DPP10: variants seen among roughly 807,000 people sequenced by gnomAD.
The protein encoded by DPP10 is inactive dipeptidyl peptidase 10.
A neutral mutation model predicts 120.9 loss-of-function variants in DPP10; 33 were observed. The ratio of observed to expected loss-of-function variants is 0.27; its 90% CI spans 0.21 to 0.37. The LOEUF is 0.37. DPP10 is among the 10% of genes least tolerant of loss of function. The pLI, the probability that DPP10 is intolerant of heterozygous loss-of-function variation, is 1.00. For missense variants in DPP10, 816 were observed against 942.8 expected, an observed-to-expected ratio of 0.87 and a Z score of 1.76; for synonymous variants, 337 against 326.1, an observed-to-expected ratio of 1.03 and a Z score of -0.36.
At chr2:114,746,993 C>A (rs1398342208) in intron 1 of DPP10, among the ~76,000 whole-genome samples, 4 of 152,276 alleles carry the variant, frequency 2.6e-5, no homozygotes, top group Middle Eastern at 6.8e-3. Flanking sequence ...CTGATATATA[C>A]ATATATGTGT....
intron 1 of DPP10, among the ~76,000 whole-genome samples, chr2:115,137,562 C>A (rs1034217360): frequency 6.6e-6 from 1 of 152,162 alleles, no homozygotes; most frequent in African/African-American, 2.4e-5. Flanking sequence ...AGGCTGGATA[C>A]CTAGGAATGT....
At chr2:114,593,668 G>A (rs1294155397) in intron 1 of DPP10, among the ~76,000 whole-genome samples, 1 of 152,146 alleles carries the variant, frequency 6.6e-6, no homozygotes, top group Non-Finnish European at 1.5e-5. Flanking sequence ...TGTGATAGAT[G>A]TAGGGTTCAC....
intron 1 of DPP10, among the ~76,000 whole-genome samples, chr2:114,799,166 A>G (rs1683973427): frequency 6.6e-6 from 1 of 152,186 alleles, no homozygotes; most frequent in South Asian, 2.1e-4. Context: ...ATTAAAGAAT[A>G]AATGTCAGAG....
chr2:115,052,602 A>G (rs1358345868), intron 1 of DPP10, among the ~76,000 whole-genome samples: 1 of 152,200 alleles, frequency 6.6e-6, no homozygotes, highest in Non-Finnish European at 1.5e-5. Context: ...CATTAGAGAA[A>G]TGCAAATCAA....
chr2:115,532,384 T>C (rs556686009), intron 5 of DPP10, among the ~76,000 whole-genome samples: 1 of 152,226 alleles, frequency 6.6e-6, no homozygotes, highest in East Asian at 1.9e-4. Context: ...TTCGATTACT[T>C]TGTCATTTTC....
At chr2:114,578,867 T>C (rs1690267270) in intron 1 of DPP10, among the ~76,000 whole-genome samples, 1 of 152,222 alleles carries the variant, frequency 6.6e-6, no homozygotes, top group South Asian at 2.1e-4. Context: ...AAAAAAACCC[T>C]ATGTTTGTAC....
At chr2:115,562,927 A>G (rs559965099) in intron 5 of DPP10, among the ~76,000 whole-genome samples, 1 of 152,354 alleles carries the variant, frequency 6.6e-6, no homozygotes, top group African/African-American at 2.4e-5. Context: ...GAGATTAGGT[A>G]ATAATATCTT....
chr2:114,681,731 C>T (rs185265223), intron 1 of DPP10, among the ~76,000 whole-genome samples: 143 of 152,044 alleles, frequency 9.4e-4, no homozygotes, highest in African/African-American at 3.1e-3. Flanking sequence ...CCTGACTCTA[C>T]GTTAGAGTTT....
intron 1 of DPP10, among the ~76,000 whole-genome samples, chr2:114,870,675 G>A (rs1690622836): frequency 7.4e-6 from 1 of 135,124 alleles, no homozygotes; most frequent in Non-Finnish European, 1.6e-5. Context: ...AAAAGAGGAT[G>A]AGTTTCTGTT....
At chr2:115,296,057 A>G (rs780108591) in intron 1 of DPP10, among the ~76,000 whole-genome samples, 178 of 152,220 alleles carry the variant, frequency 1.2e-3, no homozygotes, top group Non-Finnish European at 2.0e-3. Flanking sequence ...CAAAATATTT[A>G]TCTACTGAAA....
chr2:114,563,674 C>T (rs952353041), intron 1 of DPP10, among the ~76,000 whole-genome samples: 3 of 152,210 alleles, frequency 2.0e-5, no homozygotes, highest in East Asian at 1.9e-4. Context: ...TACTGCATTG[C>T]TTCCTAAGGA....
intron 17 of DPP10, among the ~76,000 whole-genome samples, chr2:115,786,100 G>A (rs1683314046): frequency 6.6e-6 from 1 of 152,018 alleles, no homozygotes; most frequent in African/African-American, 2.4e-5. Flanking sequence ...ATGTGCCTGA[G>A]GTTACACATA....
chr2:115,418,352 A>C (rs1352819046), intron 3 of DPP10, among the ~76,000 whole-genome samples: 3 of 152,208 alleles, frequency 2.0e-5, no homozygotes, highest in African/African-American at 4.8e-5. Flanking sequence ...TAGAACCAAT[A>C]GGGTAGATAC....
intron 3 of DPP10, among the ~76,000 whole-genome samples, chr2:115,438,551 A>G (rs985274653): frequency 3.9e-5 from 6 of 152,214 alleles, no homozygotes; most frequent in Admixed American, 3.3e-4. Context: ...GCAATAAAAT[A>G]TTATTTAGCC....
intron 1 of DPP10, among the ~76,000 whole-genome samples, chr2:115,084,042 G>A (rs1398070150): frequency 1.3e-5 from 2 of 152,000 alleles, no homozygotes; most frequent in Non-Finnish European, 2.9e-5. Flanking sequence ...GTGGGTTAGG[G>A]GCTATACCTT....
chr2:114,881,492 A>ATC (rs1437552580), intron 1 of DPP10, among the ~76,000 whole-genome samples: 2 of 10,098 alleles, frequency 2.0e-4, no homozygotes, highest in African/African-American at 2.9e-4. Flanking sequence ...TCTATCTATC[A>ATC]TATCTCTCTG....
intron 8 of DPP10, among the ~76,000 whole-genome samples, chr2:115,733,431 A>G (rs1336558878): frequency 6.6e-6 from 1 of 152,140 alleles, no homozygotes; most frequent in Non-Finnish European, 1.5e-5. Flanking sequence ...CTTTTGTTGG[A>G]TTTGCTCATA....
At chr2:115,190,343 A>AT (rs79111453) in intron 1 of DPP10, among the ~76,000 whole-genome samples, 39,430 of 151,232 alleles carry the variant, frequency 0.26, 5,341 homozygotes, top group East Asian at 0.39. Context: ...TTCTTCTACA[A>AT]TTTTTTTTTA....
chr2:115,138,017 C>T (rs2050738589), intron 1 of DPP10, among the ~76,000 whole-genome samples: 1 of 152,106 alleles, frequency 6.6e-6, no homozygotes, highest in African/African-American at 2.4e-5. Flanking sequence ...CAGAAAGAGG[C>T]ACGGGGATGC....
Sources: allele counts gnomAD v4.1 joint callset (sites outside exome capture counted in the v4.1 genomes callset), GRCh38; gene constraint gnomAD v4.1.1; transcripts MANE v1.5; gene names NCBI Gene and HGNC (gene_info 2026-07-23, HGNC 2026-07-21).